CNOT6: variants seen among roughly 807,000 people sequenced by gnomAD.
CNOT6 encodes CCR4-NOT transcription complex subunit 6.
In CNOT6, 12 loss-of-function variants were observed where a neutral mutation model predicts 61.2. That is an observed-to-expected ratio of 0.20 (90% CI 0.13 to 0.32). CNOT6 has a LOEUF of 0.32. Ranked by LOEUF, CNOT6 falls within the 10% of genes least tolerant of loss-of-function variation. The pLI is 1.00. For missense variants in CNOT6, 405 were observed against 663.9 expected, an observed-to-expected ratio of 0.61 and a Z score of 4.28; for synonymous variants, 225 against 240.6, an observed-to-expected ratio of 0.94 and a Z score of 0.60.
chr5:180,569,352 A>G lies in CNOT6; in HGVS notation c.1258+12A>G. The G allele has an allele frequency of 6.6e-7, 1 of 1,504,188 alleles. No individual in the cohort carries two copies. The highest frequency in any genetic ancestry group is 9.2e-7 in the Non-Finnish European group (1 of 1,084,072). The allele number at this position is 1,504,188 out of a possible 1,614,324, so 93.2% of individuals were successfully genotyped here. A position where few individuals can be genotyped will look rare whatever the true frequency, so the allele number is the denominator to read the frequency against. On this transcript the variant is annotated intron_variant, in intron 10 of 11. Transcript: ENST00000261951. The stretch of plus-strand genomic sequence containing the variant: ...TTTGCCAGACTCTGGTAAGAAAATA[A>G]TGTGATTTTATGTAGAATATTTTTT...
At chr5:180,532,068 C>A (rs1425053960) in intron 2 of CNOT6, among the ~76,000 whole-genome samples, 2 of 152,130 alleles carry the variant, frequency 1.3e-5, no homozygotes, top group Admixed American at 1.3e-4. Context: ...TAGGTGTGGT[C>A]ATGGAGAGTG....
Position 180,566,106 on chromosome 5 carries a change from G to A in CNOT6, c.717+129G>A. ...AGTACTGCTTTTTTCTGTTATTAGT[G>A]AATCCTGGGAGTACTGCCTGCTTTG... On this transcript the variant is annotated intron_variant, in intron 7 of 11. Coordinates refer to ENST00000261951, the MANE Select transcript of CNOT6 (RefSeq NM_001370472.1). 3.6e-6 allele frequency: 3 copies of A among 834,462 alleles called. No homozygotes were observed. The South Asian group carries it at 6.3e-5, about 17-fold the overall frequency. 51.7% of individuals were successfully genotyped at this position (834,462 alleles called of 1,614,324 possible).
chr5:180,569,099 A>G lies in CNOT6; in HGVS notation c.1028-11A>G, dbSNP rs767306600. 1 of 1,600,952 alleles carries G rather than the reference A, an allele frequency of 6.2e-7. No individual in the cohort carries two copies. On this transcript the variant is annotated splice_polypyrimidine_tract_variant and intron_variant, in intron 9 of 11. Coordinates refer to ENST00000261951, the MANE Select transcript of CNOT6 (RefSeq NM_001370472.1). ...TTGTCTCTTTCTTTGTTTCGTTTTT[A>G]TCTAATGTAGCCGGAAAGCCACATC...
chr5:180,558,281 G>A (rs1759999089), intron 4 of CNOT6, among the ~76,000 whole-genome samples: 1 of 152,148 alleles, frequency 6.6e-6, no homozygotes, highest in South Asian at 2.1e-4. Context: ...ACGCATGGGA[G>A]GAGAGGGAGA....
At chr5:180,508,529 C>A (rs1757235571) in intron 1 of CNOT6, among the ~76,000 whole-genome samples, 1 of 152,112 alleles carries the variant, frequency 6.6e-6, no homozygotes, top group Non-Finnish European at 1.5e-5. Flanking sequence ...CCAGGATGGT[C>A]TCGATCTCCT....
intron 6 of CNOT6, among the ~76,000 whole-genome samples, chr5:180,565,447 C>A (rs1042744648): frequency 1.3e-5 from 2 of 152,120 alleles, no homozygotes; most frequent in African/African-American, 4.8e-5. Flanking sequence ...TGAGGCATGC[C>A]TATTAAGGAT....
chr5:180,517,689 G>T (rs533989079), intron 1 of CNOT6, among the ~76,000 whole-genome samples: 5 of 152,026 alleles, frequency 3.3e-5, no homozygotes. Context: ...GACTACAGAC[G>T]CCTGCCACAA....
Position 180,494,585 on chromosome 5 carries a change from G to A in CNOT6, c.-181G>A, listed in dbSNP as rs968913036. On this transcript the variant is annotated 5_prime_UTR_variant, in exon 1 of 12. Coordinates refer to ENST00000261951, the MANE Select transcript of CNOT6 (RefSeq NM_001370472.1). ...GTCGGGGCGGCTGAGGCGGGCAGCCGAAGCAGTGGCTCTCGGAGGGGGAAC... is the reference window on the plus strand; with the variant it reads ...GTCGGGGCGGCTGAGGCGGGCAGCCAAAGCAGTGGCTCTCGGAGGGGGAAC... 94 of 154,766 alleles carry A rather than the reference G, an allele frequency of 6.1e-4. 2 individuals are homozygous for A. Among genetic ancestry groups the A allele is most frequent in the Non-Finnish European group, 1.2e-3 (81 of 69,700 alleles). 9.6% of individuals were successfully genotyped at this position (154,766 alleles called of 1,614,324 possible). A position where few individuals can be genotyped will look rare whatever the true frequency, so the allele number is the denominator to read the frequency against.
At chr5:180,522,131 ATC>A (rs1561639392) in intron 1 of CNOT6, among the ~76,000 whole-genome samples, 2 of 152,080 alleles carry the variant, frequency 1.3e-5, no homozygotes, top group African/African-American at 4.8e-5. Flanking sequence ...CTATGTATCT[ATC>A]TGTCTATTGA....
chr5:180,549,333 C>G (rs1185624754), intron 2 of CNOT6, among the ~76,000 whole-genome samples: 1 of 152,146 alleles, frequency 6.6e-6, no homozygotes, highest in Non-Finnish European at 1.5e-5. Flanking sequence ...TCATATTTCC[C>G]TCTCATATCT....
At chr5:180,556,106 T>C (rs1561658765) in intron 4 of CNOT6, among the ~76,000 whole-genome samples, 1 of 152,356 alleles carries the variant, frequency 6.6e-6, no homozygotes, top group Non-Finnish European at 1.5e-5. Context: ...TTCAAAACTA[T>C]AGTTTCACGT....
intron 6 of CNOT6, among the ~76,000 whole-genome samples, 173 bp downstream of exon 6, chr5:180,564,916 T>TTGTGCTATATAGAAAG (rs1760376275): frequency 6.6e-6 from 1 of 152,248 alleles, no homozygotes; most frequent in South Asian, 2.1e-4. Context: ...GTATACTACA[T>TTGTGCTATATAGAAAG]TGTGCTATAT....
At chr5:180,494,826 C>A (rs1336752159) in intron 1 of CNOT6, 63 bp downstream of exon 1, 1 of 151,946 alleles carries the variant, frequency 6.6e-6, no homozygotes, top group African/African-American at 2.4e-5. Flanking sequence ...GCGCACGGAC[C>A]GCCCCCCGTC....
At chr5:180,513,677 A>G (rs898556071) in intron 1 of CNOT6, among the ~76,000 whole-genome samples, 1 of 76,358 alleles carries the variant, frequency 1.3e-5, no homozygotes, top group African/African-American at 3.6e-5. Context: ...TGGCCCTTTT[A>G]TTTATTTATT....
intron 1 of CNOT6, among the ~76,000 whole-genome samples, chr5:180,526,529 A>G (rs964171300): frequency 1.3e-5 from 2 of 152,134 alleles, no homozygotes; most frequent in African/African-American, 4.8e-5. Flanking sequence ...GGGAGGATGG[A>G]GGAGTAGGTG....
At chr5:180,525,436 G>A (rs1017184718) in intron 1 of CNOT6, among the ~76,000 whole-genome samples, 11 of 152,064 alleles carry the variant, frequency 7.2e-5, no homozygotes, top group African/African-American at 2.7e-4. Context: ...CTACACGGGA[G>A]GCTGAGGGGA....
rs192562733 is a variant in CNOT6 at position 180,556,779 on chromosome 5, C to T, written c.385+3308C>T. Among the ~76,000 whole-genome samples, 35 of 152,156 alleles carry T rather than the reference C, an allele frequency of 2.3e-4. No individual in the cohort carries two copies. In the East Asian group the frequency reaches 6.0e-3, roughly 26 times the overall value. Reference sequence around the variant, plus strand: ...CATCCTGGCTAACATGGTGAAACCCCGTCACTACTAAAAATACAAAAACAA... The same window carrying T: ...CATCCTGGCTAACATGGTGAAACCCTGTCACTACTAAAAATACAAAAACAA... On this transcript the variant is annotated intron_variant, in intron 4 of 11. Coordinates refer to ENST00000261951, the MANE Select transcript of CNOT6 (RefSeq NM_001370472.1).
intron 1 of CNOT6, among the ~76,000 whole-genome samples, chr5:180,504,393 A>G (rs1182428070): frequency 6.6e-6 from 1 of 152,212 alleles, no homozygotes; most frequent in Non-Finnish European, 1.5e-5. Flanking sequence ...ACAACTTCCC[A>G]AGTCATTGTG....
intron 9 of CNOT6, among the ~76,000 whole-genome samples, chr5:180,568,303 T>C (rs1760565785): frequency 6.6e-6 from 1 of 151,868 alleles, no homozygotes; most frequent in South Asian, 2.1e-4. Context: ...TTAAAATAAC[T>C]GCTCAGGGGT....
Sources: allele counts gnomAD v4.1 joint callset (sites outside exome capture counted in the v4.1 genomes callset), GRCh38; gene constraint gnomAD v4.1.1; transcripts MANE v1.5; gene names NCBI Gene and HGNC (gene_info 2026-07-23, HGNC 2026-07-21).